DCDC2C: variants seen among roughly 807,000 people sequenced by gnomAD.
DCDC2C encodes the protein doublecortin domain containing 2C, also known as doublecortin domain-containing protein 2C.
Under a neutral mutation model 45.0 loss-of-function variants are expected in DCDC2C, and 44 were observed. The ratio of observed to expected loss-of-function variants is 0.98; its 90% confidence interval spans 0.77 to 1.26. DCDC2C has a LOEUF of 1.26. DCDC2C is among the 50% of genes most tolerant of loss of function. DCDC2C has a pLI of 0.00. For synonymous variants in DCDC2C, 187 were observed against 178.8 expected (o/e 1.05, Z -0.37); for missense variants, 447 against 468.9 (o/e 0.95, Z 0.43).
At chr2:3,797,942 A>G (rs375372635) in intron 10 of DCDC2C, among the ~76,000 whole-genome samples, 1 of 150,688 alleles carries the variant, frequency 6.6e-6, no homozygotes, top group East Asian at 2.0e-4. Context: ...TTTCTGTCTC[A>G]TTGATCTGTC....
intron 8 of DCDC2C, among the ~76,000 whole-genome samples, chr2:3,773,173 G>A (rs6751953): frequency 0.28 from 42,517 of 152,040 alleles, 6,378 homozygotes; most frequent in East Asian, 0.58. Flanking sequence ...GCTGTGGGGC[G>A]TGGCCGGCTG....
Position 3,719,920 on chromosome 2 carries a change from G to A in DCDC2C, c.340-7083G>A, listed in dbSNP as rs116486112. ...GGGATGCTGGAGGAGGGACCAGGTC[G>A]GATGCTGCAGGGTAAAGCACCTCTT... is the stretch of plus-strand genomic sequence containing the variant. On this transcript the variant is annotated intron_variant, in intron 2 of 10. Coordinates refer to ENST00000399143, the MANE Select transcript of DCDC2C (RefSeq NM_001287444.2). 8.9e-3 allele frequency among the ~76,000 whole-genome samples: 1,352 copies of A among 152,344 alleles called. 20 individuals are homozygous for A. Among genetic ancestry groups the A allele is most frequent in the African/African-American group, 0.03 (1,257 of 41,570 alleles).
chr2:3,749,131 A>G (rs2148120470), intron 4 of DCDC2C, among the ~76,000 whole-genome samples: 1 of 152,346 alleles, frequency 6.6e-6, no homozygotes, highest in African/African-American at 2.4e-5. Flanking sequence ...ATTTAGAGAT[A>G]TTTACATTTT....
At chr2:3,797,253 T>C (rs1303098502) in intron 10 of DCDC2C, among the ~76,000 whole-genome samples, 2 of 152,340 alleles carry the variant, frequency 1.3e-5, no homozygotes, top group South Asian at 2.1e-4. Flanking sequence ...ATTTGATTCT[T>C]CTCTCTTTTT....
At position 3,780,145 on chromosome 2, in the gene DCDC2C, C is replaced by T. The variant is rs147552940; in HGVS notation, c.1023+1261C>T. On this transcript the variant is annotated intron_variant, in intron 9 of 10. Coordinates refer to ENST00000399143, the MANE Select transcript of DCDC2C (RefSeq NM_001287444.2). The stretch of plus-strand genomic sequence containing the variant: ...AGTTTTTTATTTCTTTGGCACCCTC[C>T]GTCGAGGGTAAGAGTGTGTTCTGAG... Among the ~76,000 whole-genome samples, 8 of 152,278 alleles carry T rather than the reference C, an allele frequency of 5.3e-5. No homozygotes were observed. The East Asian group carries it at 5.8e-4, about 11-fold the overall frequency.
intron 10 of DCDC2C, among the ~76,000 whole-genome samples, chr2:3,810,647 T>G (rs1037765962): frequency 1.3e-5 from 2 of 152,242 alleles, no homozygotes; most frequent in African/African-American, 4.8e-5. Flanking sequence ...AGTCATGAAG[T>G]CTTTGCCCAT....
At chr2:3,845,571 G>A (rs1036944262) in intron 10 of DCDC2C, among the ~76,000 whole-genome samples, 1 of 152,194 alleles carries the variant, frequency 6.6e-6, no homozygotes, top group African/African-American at 2.4e-5. Context: ...TAGAACACTC[G>A]TAACACTTTA....
chr2:3,751,772 C>G lies in DCDC2C; in HGVS notation c.546-991C>G, dbSNP rs147800763. Among the ~76,000 whole-genome samples the G allele has an allele frequency of 4.2e-4, 64 of 152,352 alleles. 2 individuals carry two copies. In the East Asian group the frequency reaches 0.011, roughly 27 times the overall value. On this transcript the variant is annotated intron_variant, in intron 4 of 10. Coordinates refer to ENST00000399143, the MANE Select transcript of DCDC2C (RefSeq NM_001287444.2). Reference sequence around the variant, plus strand: ...GGCTCTTGCAGAAGCTCTGAGCCTCCTCCCACAGGGGCAATTCTTCCTCAG... The same window carrying G: ...GGCTCTTGCAGAAGCTCTGAGCCTCGTCCCACAGGGGCAATTCTTCCTCAG...
chr2:3,727,073 A>G lies in DCDC2C; in HGVS notation c.410A>G (p.His137Arg), dbSNP rs192477646. Reference sequence around the variant, plus strand: ...CAAACATATCATCGTATATCTCGACATATAAAGTGAGTATAATATTATGGG... The same window carrying G: ...CAAACATATCATCGTATATCTCGACGTATAAAGTGAGTATAATATTATGGG... ...KWQTYHRISR[H>R]INVFTNGRLF... Residue 137 changes from histidine (H) to arginine (R), a missense_variant, in exon 3 of 11, where the codon CAT becomes CGT. Coordinates refer to ENST00000399143, the MANE Select transcript of DCDC2C (RefSeq NM_001287444.2). The G allele has an allele frequency of 1.3e-6, 2 of 1,548,802 alleles. No homozygotes were observed. The highest frequency in any genetic ancestry group is 2.7e-5 in the African/African-American group (2 of 73,106).
intron 8 of DCDC2C, among the ~76,000 whole-genome samples, chr2:3,772,639 G>A (rs1285287453): frequency 6.6e-6 from 1 of 152,118 alleles, no homozygotes; most frequent in African/African-American, 2.4e-5. Flanking sequence ...CAAGATGAGT[G>A]TTCATTGTGC....
At chr2:3,792,480 G>A (rs908688084) in intron 10 of DCDC2C, among the ~76,000 whole-genome samples, 4 of 152,122 alleles carry the variant, frequency 2.6e-5, no homozygotes, top group African/African-American at 9.7e-5. Flanking sequence ...TTCCCCATGA[G>A]TTACAGAGAT....
chr2:3,800,904 T>C (rs1193548542), intron 10 of DCDC2C, among the ~76,000 whole-genome samples: 1 of 152,224 alleles, frequency 6.6e-6, no homozygotes, highest in Non-Finnish European at 1.5e-5. Context: ...GTAGCGTCAA[T>C]GCAAATGCCA....
intron 10 of DCDC2C, among the ~76,000 whole-genome samples, chr2:3,838,164 T>A (rs1672126546): frequency 1.3e-5 from 2 of 151,450 alleles, no homozygotes; most frequent in African/African-American, 4.9e-5. Flanking sequence ...GCTCCAGAGT[T>A]GGTAAAGGAG....
intron 10 of DCDC2C, among the ~76,000 whole-genome samples, chr2:3,825,330 C>T (rs1558244078): frequency 6.6e-6 from 1 of 152,132 alleles, no homozygotes; most frequent in Non-Finnish European, 1.5e-5. Context: ...TAGGCCCTGC[C>T]CTAGGGAAGC....
intron 2 of DCDC2C, among the ~76,000 whole-genome samples, chr2:3,714,478 C>T (rs1208327150): frequency 1.5e-5 from 2 of 137,724 alleles, no homozygotes; most frequent in African/African-American, 2.5e-5. Context: ...ACAGATGAAT[C>T]CCAATTCAAT....
At chr2:3,737,213 C>T (rs923253337) in intron 3 of DCDC2C, among the ~76,000 whole-genome samples, 8 of 152,116 alleles carry the variant, frequency 5.3e-5, no homozygotes, top group African/African-American at 1.9e-4. Flanking sequence ...AGAGATAGAG[C>T]TATTTAGTTC....
chr2:3,835,257 G>A (rs1449268199), intron 10 of DCDC2C, among the ~76,000 whole-genome samples: 1 of 152,190 alleles, frequency 6.6e-6, no homozygotes, highest in Non-Finnish European at 1.5e-5. Flanking sequence ...GGACAGCCAA[G>A]CCCACTCGTG....
At chr2:3,821,023 T>C (rs1319392378) in intron 10 of DCDC2C, among the ~76,000 whole-genome samples, 2 of 152,144 alleles carry the variant, frequency 1.3e-5, no homozygotes, top group Non-Finnish European at 1.5e-5. Context: ...TTTCACCTGG[T>C]TGCAGGCGGG....
chr2:3,739,967 G>GGGC (rs1669155574), intron 3 of DCDC2C, among the ~76,000 whole-genome samples: 1 of 152,126 alleles, frequency 6.6e-6, no homozygotes, highest in Non-Finnish European at 1.5e-5. Context: ...TTGAGCAGTG[G>GGGC]GGCACTGAAG....
Sources: gnomAD v4.1 joint callset for allele counts (sites outside exome capture counted in the v4.1 genomes callset) on GRCh38, gnomAD v4.1.1 for gene constraint, MANE v1.5 for transcripts, NCBI Gene and HGNC (gene_info 2026-07-23, HGNC 2026-07-21) for gene names.